The following UNC13C variants were observed in gnomAD, a reference collection of about 807,000 sequenced individuals.
The protein encoded by UNC13C is protein unc-13 homolog C.
A neutral mutation model predicts 245.4 loss-of-function variants in UNC13C; 174 were observed. The observed-to-expected ratio is 0.71, with a 90% CI of 0.63 to 0.80. UNC13C has a LOEUF of 0.80. Among genes scored for constraint, UNC13C ranks in the 30% least tolerant of loss-of-function variants. The probability of loss-of-function intolerance (pLI) is 0.00; values close to 1 mark genes in which losing one functional copy is unlikely to be tolerated. For synonymous variants in UNC13C, 992 were observed against 895.1 expected, an observed-to-expected ratio of 1.11 and a Z score of -1.93; for missense variants, 2,829 against 2,602.9, an observed-to-expected ratio of 1.09 and a Z score of -1.89.
At chr15:53,869,010 G>C in the UNC13C span, among the ~76,000 whole-genome samples, 1 of 152,150 alleles carries the variant, frequency 6.6e-6, no homozygotes, top group African/African-American at 2.4e-5. Context: ...CTCAGAGGCT[G>C]AGGTGGGAGG....
intron 28 of UNC13C, 93 bp from the exon 29 acceptor site, chr15:54,555,339 T>A: frequency 1.1e-6 from 1 of 917,306 alleles, no homozygotes. Context: ...AATAGGAAGT[T>A]TGGCATATGG....
chr15:54,119,911 A>G (rs2030550555), intron 2 of UNC13C, among the ~76,000 whole-genome samples: 1 of 152,176 alleles, frequency 6.6e-6, no homozygotes, highest in Non-Finnish European at 1.5e-5. Context: ...AATTCTATGA[A>G]GGGTAAGAGG....
chr15:53,949,477 T>TA, the UNC13C span, among the ~76,000 whole-genome samples: 1 of 152,244 alleles, frequency 6.6e-6, no homozygotes, highest in Non-Finnish European at 1.5e-5. Flanking sequence ...TTTTGTAGAA[T>TA]AATTTCTCAA....
chr15:54,195,109 C>T (rs2034309166), intron 4 of UNC13C, among the ~76,000 whole-genome samples: 1 of 100,522 alleles, frequency 9.9e-6, no homozygotes, highest in Admixed American at 9.5e-5. Flanking sequence ...ATCTCTGATA[C>T]TGCACATACA....
At chr15:54,605,803 G>T (rs979414725) in intron 30 of UNC13C, among the ~76,000 whole-genome samples, 1 of 152,178 alleles carries the variant, frequency 6.6e-6, no homozygotes, top group Non-Finnish European at 1.5e-5. Context: ...AATGCTTTGC[G>T]AGCAATATGC....
chr15:54,149,767 A>G (rs1329526180), intron 4 of UNC13C, among the ~76,000 whole-genome samples: 1 of 152,232 alleles, frequency 6.6e-6, no homozygotes, highest in Non-Finnish European at 1.5e-5. Context: ...TGTGGATTCA[A>G]ACAGCTGTTG....
intron 4 of UNC13C, among the ~76,000 whole-genome samples, chr15:54,178,771 G>T (rs1265641457): frequency 6.6e-6 from 1 of 152,130 alleles, no homozygotes; most frequent in Non-Finnish European, 1.5e-5. Context: ...TCACCTATTT[G>T]CCAAATCTGG....
intron 2 of UNC13C, among the ~76,000 whole-genome samples, chr15:54,028,982 AC>A (rs1896242780): frequency 6.6e-6 from 1 of 152,194 alleles, no homozygotes; most frequent in Non-Finnish European, 1.5e-5. Context: ...GAGGCAACCT[AC>A]CTAAAACGCA....
chr15:54,586,540 A>C (rs535026912), intron 30 of UNC13C, among the ~76,000 whole-genome samples: 2 of 152,210 alleles, frequency 1.3e-5, no homozygotes, highest in Non-Finnish European at 2.9e-5. Flanking sequence ...TTGTCACCTC[A>C]TCTAACCTTA....
intron 17 of UNC13C, among the ~76,000 whole-genome samples, chr15:54,342,224 C>T (rs1007244368): frequency 6.6e-6 from 1 of 151,868 alleles, no homozygotes; most frequent in Non-Finnish European, 1.5e-5. Context: ...GATACTAATC[C>T]TTTTTTGGTT....
chr15:54,040,722 A>T (rs1188619142), intron 2 of UNC13C, among the ~76,000 whole-genome samples: 9 of 152,180 alleles, frequency 5.9e-5, no homozygotes, highest in Admixed American at 5.9e-4. Flanking sequence ...TGTTTGCAGT[A>T]AACTGTCTTC....
chr15:54,620,459 G>T (rs150704975), intron 30 of UNC13C, among the ~76,000 whole-genome samples: 5,939 of 152,234 alleles, frequency 0.039, 214 homozygotes, highest in Admixed American at 0.12. Context: ...GCCCTACTTA[G>T]AATGTTATGG....
At chr15:54,233,680 A>G (rs190070921) in intron 4 of UNC13C, among the ~76,000 whole-genome samples, 312 of 152,340 alleles carry the variant, frequency 2.0e-3, no homozygotes, top group Non-Finnish European at 3.5e-3. Context: ...AGAAAAATCC[A>G]TTAAGACTAA....
intron 19 of UNC13C, among the ~76,000 whole-genome samples, chr15:54,435,840 G>A (rs1243562862): frequency 1.3e-5 from 2 of 151,368 alleles, no homozygotes; most frequent in Non-Finnish European, 3.0e-5. Flanking sequence ...CTGACAAAGG[G>A]CTAATATCCA....
chr15:54,010,463 A>G (rs1308712931), intron 1 of UNC13C, among the ~76,000 whole-genome samples: 3 of 152,102 alleles, frequency 2.0e-5, no homozygotes, highest in Admixed American at 6.6e-5. Flanking sequence ...GATATTTATG[A>G]AAGAGACATG....
intron 10 of UNC13C, among the ~76,000 whole-genome samples, chr15:54,284,627 G>GCACACA (rs71132799): frequency 6.0e-5 from 9 of 150,858 alleles, no homozygotes; most frequent in African/African-American, 1.5e-4. Context: ...GCACACTTGT[G>GCACACA]CACACACACA....
the UNC13C span, among the ~76,000 whole-genome samples, chr15:53,921,015 G>A: frequency 1.3e-5 from 2 of 152,108 alleles, no homozygotes; most frequent in South Asian, 2.1e-4. Context: ...TTTCAAGGAT[G>A]AGCAGGAGTT....
At chr15:54,246,074 G>A (rs2035982619) in intron 7 of UNC13C, among the ~76,000 whole-genome samples, 1 of 152,150 alleles carries the variant, frequency 6.6e-6, no homozygotes, top group Non-Finnish European at 1.5e-5. Context: ...GCTCTTGGCA[G>A]GTAGCCTGAT....
chr15:54,011,810 A>G (rs572969095), intron 1 of UNC13C, among the ~76,000 whole-genome samples: 5 of 152,118 alleles, frequency 3.3e-5, no homozygotes, highest in Non-Finnish European at 7.3e-5. Flanking sequence ...TGTATCCCCA[A>G]ATCCCCTGCA....
Sources: allele counts gnomAD v4.1 joint callset (sites outside exome capture counted in the v4.1 genomes callset), GRCh38; gene constraint gnomAD v4.1.1; transcripts MANE v1.5; gene names NCBI Gene and HGNC (gene_info 2026-07-23, HGNC 2026-07-21).